The following RIMS2 variants were observed in gnomAD, a reference collection of about 807,000 sequenced individuals.
The protein encoded by RIMS2 is regulating synaptic membrane exocytosis protein 2.
A neutral mutation model predicts 174.4 loss-of-function variants in RIMS2; 59 were observed. The observed-to-expected ratio is 0.34, with a 90% CI of 0.27 to 0.42. The LOEUF is 0.42. RIMS2 is among the 10% of genes least tolerant of loss of function. The pLI, the probability that RIMS2 is intolerant of heterozygous loss-of-function variation, is 1.00. For synonymous variants in RIMS2, 606 were observed against 572.5 expected (o/e 1.06, Z -0.84); for missense variants, 1,620 against 1,666.3 (o/e 0.97, Z 0.48).
At chr8:104,087,031 C>T (rs1370227950) in intron 19 of RIMS2, among the ~76,000 whole-genome samples, 1 of 151,824 alleles carries the variant, frequency 6.6e-6, no homozygotes, top group East Asian at 1.9e-4. Context: ...AATTTTTTTT[C>T]CTCAGAAAGC....
At chr8:104,188,107 T>C (rs1006871606) in intron 19 of RIMS2, among the ~76,000 whole-genome samples, 1 of 151,706 alleles carries the variant, frequency 6.6e-6, no homozygotes, top group African/African-American at 2.4e-5. Context: ...CTTTGTTCAA[T>C]AGGACAATAC....
intron 1 of RIMS2, among the ~76,000 whole-genome samples, chr8:103,519,455 G>C (rs1830582000): frequency 6.6e-6 from 1 of 151,912 alleles, no homozygotes; most frequent in Admixed American, 6.6e-5. Context: ...TATTTCCAAT[G>C]TTTTCAAACA....
chr8:104,168,255 A>G (rs1244980620), intron 19 of RIMS2, among the ~76,000 whole-genome samples: 1 of 152,146 alleles, frequency 6.6e-6, no homozygotes, highest in African/African-American at 2.4e-5. Flanking sequence ...TGCTTTGGGC[A>G]GTATGGTCAT....
chr8:103,833,762 C>T (rs976607311), intron 3 of RIMS2, among the ~76,000 whole-genome samples: 13 of 151,824 alleles, frequency 8.6e-5, no homozygotes, highest in Middle Eastern at 3.4e-3. Flanking sequence ...AGAATCTTAC[C>T]TTTATTTCCT....
At chr8:104,224,111 T>G (rs1275352973) in intron 19 of RIMS2, among the ~76,000 whole-genome samples, 3 of 152,252 alleles carry the variant, frequency 2.0e-5, no homozygotes, top group Admixed American at 2.0e-4. Context: ...CCACTCTGTT[T>G]TGGTTTACCC....
chr8:103,531,750 A>G (rs1202745292), intron 1 of RIMS2, among the ~76,000 whole-genome samples: 1 of 152,248 alleles, frequency 6.6e-6, no homozygotes, highest in East Asian at 1.9e-4. Context: ...AAACATTTTA[A>G]TAAACTAGTA....
At position 104,246,424 on chromosome 8, in the gene RIMS2, C is replaced by T. The variant is rs185593863; in HGVS notation, c.3476+1367C>T. Among the ~76,000 whole-genome samples the T allele has an allele frequency of 1.5e-4, 23 of 151,654 alleles. No individual in the cohort carries two copies. In the East Asian group the frequency reaches 4.3e-3, roughly 28 times the overall value. On this transcript the variant is annotated intron_variant, in intron 20 of 23. Transcript: ENST00000504942. Reference sequence around the variant, plus strand: ...AACATACAATATTTCAGGCATGGTTCTAGATGCTAGAGATACAGCAGTGAA... The same window carrying T: ...AACATACAATATTTCAGGCATGGTTTTAGATGCTAGAGATACAGCAGTGAA...
At chr8:103,549,061 G>A (rs928502809) in intron 1 of RIMS2, among the ~76,000 whole-genome samples, 5 of 151,990 alleles carry the variant, frequency 3.3e-5, no homozygotes, top group African/African-American at 4.8e-5. Context: ...TGATGGATAG[G>A]AGAATCAATA....
At chr8:104,052,988 A>G (rs142461015) in intron 19 of RIMS2, among the ~76,000 whole-genome samples, 105 of 152,368 alleles carry the variant, frequency 6.9e-4, no homozygotes, top group African/African-American at 2.5e-3. Context: ...ACAGTTGAAT[A>G]AAATGTCAAG....
rs146211427 is a variant in RIMS2 at position 103,862,938 on chromosome 8, G to T, written c.699-22360G>T. The stretch of plus-strand genomic sequence containing the variant: ...ATTTGACTTCCCCTTTTCCTATTTG[G>T]ATGTGTTTTATTTATTTATCTTTTT... On this transcript the variant is annotated intron_variant, in intron 3 of 23. Transcript: ENST00000504942. Among the ~76,000 whole-genome samples, 26 of 152,132 alleles carry T rather than the reference G, an allele frequency of 1.7e-4. No individual in the cohort carries two copies. The East Asian group carries it at 4.8e-3, about 28-fold the overall frequency.
At chr8:103,548,743 A>G (rs1846231756) in intron 1 of RIMS2, among the ~76,000 whole-genome samples, 2 of 152,202 alleles carry the variant, frequency 1.3e-5, no homozygotes, top group Admixed American at 1.3e-4. Flanking sequence ...CTCTTTGCCA[A>G]CAATATGATT....
At chr8:103,889,814 T>C (rs1565146314) in intron 4 of RIMS2, among the ~76,000 whole-genome samples, 1 of 151,884 alleles carries the variant, frequency 6.6e-6, no homozygotes, top group Non-Finnish European at 1.5e-5. Context: ...TTTCATTCAG[T>C]ATGTTCTGTT....
intron 19 of RIMS2, among the ~76,000 whole-genome samples, chr8:104,070,387 T>C (rs965111309): frequency 2.0e-5 from 3 of 152,256 alleles, no homozygotes; most frequent in African/African-American, 7.2e-5. Flanking sequence ...CAGTAGGTTC[T>C]AAATTTCTAG....
intron 3 of RIMS2, among the ~76,000 whole-genome samples, chr8:103,878,547 T>C (rs2099152501): frequency 6.6e-6 from 1 of 150,730 alleles, no homozygotes; most frequent in Admixed American, 6.6e-5. Flanking sequence ...TGTTGTGTCC[T>C]TTCCTGGCTC....
At chr8:104,207,929 T>C (rs1431359447) in intron 19 of RIMS2, among the ~76,000 whole-genome samples, 1 of 151,622 alleles carries the variant, frequency 6.6e-6, no homozygotes, top group Non-Finnish European at 1.5e-5. Context: ...CAAGTGTAGT[T>C]TTTTATTTAT....
intron 19 of RIMS2, among the ~76,000 whole-genome samples, chr8:104,185,712 A>G (rs1484985276): frequency 6.6e-6 from 1 of 151,700 alleles, no homozygotes; most frequent in Admixed American, 6.6e-5. Flanking sequence ...ACCAGTCAGA[A>G]TTTCATTAAA....
chr8:103,856,497 C>T (rs569384653), intron 3 of RIMS2, among the ~76,000 whole-genome samples: 1 of 152,326 alleles, frequency 6.6e-6, no homozygotes, highest in African/African-American at 2.4e-5. Flanking sequence ...AAGAAGCTGT[C>T]TTGTCTGCTA....
chr8:103,687,677 C>G (rs954538739), intron 1 of RIMS2, among the ~76,000 whole-genome samples: 7 of 152,068 alleles, frequency 4.6e-5, no homozygotes, highest in African/African-American at 4.8e-5. Context: ...CTCCCATACC[C>G]CAGTCTCTGG....
intron 3 of RIMS2, among the ~76,000 whole-genome samples, chr8:103,767,567 A>C (rs993788113): frequency 2.6e-5 from 4 of 152,198 alleles, no homozygotes; most frequent in African/African-American, 9.6e-5. Context: ...CAGAAGTAGC[A>C]GATACATTTC....
Sources: allele counts gnomAD v4.1 joint callset (sites outside exome capture counted in the v4.1 genomes callset), GRCh38; gene constraint gnomAD v4.1.1; transcripts MANE v1.5; gene names NCBI Gene and HGNC (gene_info 2026-07-23, HGNC 2026-07-21).